Variants in NKAIN3 observed in about 807,000 individuals in gnomAD.
NKAIN3 encodes sodium/potassium-transporting ATPase subunit beta-1-interacting protein 3.
In NKAIN3, 25 loss-of-function variants were observed where a neutral mutation model predicts 30.2. The observed-to-expected ratio is 0.83, with a 90% CI of 0.60 to 1.16. NKAIN3 has a LOEUF of 1.16. Ranked by LOEUF, NKAIN3 falls within the 50% of genes most tolerant of loss-of-function variation. The probability of loss-of-function intolerance (pLI) is 0.00; values close to 1 mark genes in which losing one functional copy is unlikely to be tolerated. For synonymous variants in NKAIN3, 91 were observed against 89.6 expected (o/e 1.02, Z -0.09); for missense variants, 225 against 254.1 (o/e 0.89, Z 0.78).
At chr8:62,383,083 G>C (rs982706443) in intron 1 of NKAIN3, among the ~76,000 whole-genome samples, 2 of 152,038 alleles carry the variant, frequency 1.3e-5, no homozygotes, top group Admixed American at 6.6e-5. Context: ...CATTGTGTTT[G>C]GGGGGAAGTA....
intron 4 of NKAIN3, among the ~76,000 whole-genome samples, chr8:62,841,251 A>G (rs1009544255): frequency 2.0e-5 from 3 of 152,166 alleles, no homozygotes; most frequent in African/African-American, 7.2e-5. Context: ...TCATATATGT[A>G]TATAATACGG....
At chr8:62,442,769 T>A (rs1037999237) in intron 1 of NKAIN3, among the ~76,000 whole-genome samples, 1 of 152,000 alleles carries the variant, frequency 6.6e-6, no homozygotes, top group Non-Finnish European at 1.5e-5. Context: ...TGTTGATATA[T>A]AGGTTTTTAA....
chr8:62,598,522 G>A (rs1338550977), intron 3 of NKAIN3, among the ~76,000 whole-genome samples: 2 of 152,040 alleles, frequency 1.3e-5, no homozygotes, highest in Non-Finnish European at 2.9e-5. Flanking sequence ...CCTAAGTTGG[G>A]ACAGTCCCTT....
intron 1 of NKAIN3, among the ~76,000 whole-genome samples, chr8:62,323,544 G>A (rs1217614249): frequency 1.3e-5 from 2 of 152,192 alleles, no homozygotes; most frequent in Non-Finnish European, 2.9e-5. Context: ...AGTATTTTCT[G>A]TGTAAAGCTG....
chr8:62,697,330 G>T (rs1296131820), intron 3 of NKAIN3, among the ~76,000 whole-genome samples: 1 of 152,106 alleles, frequency 6.6e-6, no homozygotes, highest in Non-Finnish European at 1.5e-5. Flanking sequence ...CCTCTGCTGG[G>T]AGCACGCCTG....
At chr8:62,767,855 C>T (rs1816892495) in intron 4 of NKAIN3, among the ~76,000 whole-genome samples, 1 of 150,982 alleles carries the variant, frequency 6.6e-6, no homozygotes, top group Admixed American at 6.6e-5. Context: ...AAACTTGGTA[C>T]AAAAAAGAAG....
At chr8:62,518,529 A>G (rs1372961213) in intron 1 of NKAIN3, among the ~76,000 whole-genome samples, 1 of 152,106 alleles carries the variant, frequency 6.6e-6, no homozygotes, top group Non-Finnish European at 1.5e-5. Flanking sequence ...ATGCATGTGA[A>G]CCGTTTCCGT....
intron 1 of NKAIN3, among the ~76,000 whole-genome samples, chr8:62,320,883 T>A (rs1224520723): frequency 6.6e-6 from 1 of 152,196 alleles, no homozygotes; most frequent in Non-Finnish European, 1.5e-5. Context: ...TTGGCCTGCC[T>A]TGCTAGATTG....
At chr8:62,336,693 T>G (rs1427360439) in intron 1 of NKAIN3, among the ~76,000 whole-genome samples, 3 of 152,000 alleles carry the variant, frequency 2.0e-5, no homozygotes, top group African/African-American at 7.2e-5. Flanking sequence ...ACAAGTGGCT[T>G]GAAACAAGCA....
At chr8:62,707,874 C>T (rs576310992) in intron 3 of NKAIN3, among the ~76,000 whole-genome samples, 1 of 152,238 alleles carries the variant, frequency 6.6e-6, no homozygotes, top group African/African-American at 2.4e-5. Context: ...AGGTTTAAGT[C>T]CCTAATCCAG....
At chr8:62,654,025 C>T (rs1812698427) in intron 3 of NKAIN3, among the ~76,000 whole-genome samples, 1 of 151,908 alleles carries the variant, frequency 6.6e-6, no homozygotes, top group South Asian at 2.1e-4. Flanking sequence ...GTGACCTAAA[C>T]ACAGCATAAA....
chr8:62,861,316 T>C (rs1434915649), intron 4 of NKAIN3, among the ~76,000 whole-genome samples: 1 of 152,178 alleles, frequency 6.6e-6, no homozygotes, highest in Non-Finnish European at 1.5e-5. Context: ...ATGAACACAA[T>C]AAACAAAGAC....
At chr8:62,795,602 T>C (rs886839349) in intron 4 of NKAIN3, among the ~76,000 whole-genome samples, 1 of 152,226 alleles carries the variant, frequency 6.6e-6, no homozygotes, top group Non-Finnish European at 1.5e-5. Flanking sequence ...TTTTGTCTTT[T>C]TTTTTAGCTC....
intron 4 of NKAIN3, among the ~76,000 whole-genome samples, chr8:62,839,316 AC>A (rs1374650270): frequency 1.1e-4 from 17 of 151,784 alleles, no homozygotes; most frequent in African/African-American, 3.1e-4. Flanking sequence ...AAAAAAAAAA[AC>A]AAAAACGACT....
At chr8:62,834,878 CGTAAGCAAAAA>C (rs1345252999) in intron 4 of NKAIN3, among the ~76,000 whole-genome samples, 5 of 151,990 alleles carry the variant, frequency 3.3e-5, no homozygotes, top group African/African-American at 1.2e-4. Flanking sequence ...CCAAGGCAAT[CGTAAGCAAAAA>C]GAACAAAGCC....
In NKAIN3 at chr8:62,936,472, T is replaced by C. The variant is rs536922984; in HGVS notation, c.533-17430T>C. Among the ~76,000 whole-genome samples, 9 of 152,216 alleles carry C rather than the reference T, an allele frequency of 5.9e-5. No individual in the cohort carries two copies. The East Asian group carries it at 1.7e-3, about 29-fold the overall frequency. On this transcript the variant is annotated intron_variant, in intron 5 of 6. Coordinates refer to ENST00000623646, the MANE Select transcript of NKAIN3 (RefSeq NM_001304533.3). Reference sequence around the variant, plus strand: ...CACTTGTCTTCCATAATCTCACAAATGTCTATATAACCAACCCTAACTCAG... The same window carrying C: ...CACTTGTCTTCCATAATCTCACAAACGTCTATATAACCAACCCTAACTCAG...
chr8:62,884,611 C>T (rs970428521), intron 4 of NKAIN3, among the ~76,000 whole-genome samples: 1 of 152,086 alleles, frequency 6.6e-6, no homozygotes, highest in Non-Finnish European at 1.5e-5. Flanking sequence ...ACCAGTGAAC[C>T]CATTTGAGCT....
chr8:62,448,519 G>C (rs1453787510), intron 1 of NKAIN3, among the ~76,000 whole-genome samples: 1 of 150,406 alleles, frequency 6.6e-6, no homozygotes, highest in African/African-American at 2.4e-5. Flanking sequence ...CTGCCTTTCA[G>C]AGAATGCTTT....
chr8:62,578,525 G>C (rs1191490308), intron 1 of NKAIN3, among the ~76,000 whole-genome samples: 1 of 152,062 alleles, frequency 6.6e-6, no homozygotes, highest in Non-Finnish European at 1.5e-5. Flanking sequence ...AAGTAAATGA[G>C]TAAGCTTCGT....
Sources: gnomAD v4.1 joint callset for allele counts (sites outside exome capture counted in the v4.1 genomes callset) on GRCh38, gnomAD v4.1.1 for gene constraint, MANE v1.5 for transcripts, NCBI Gene and HGNC (gene_info 2026-07-23, HGNC 2026-07-21) for gene names.